The following PEAK1 variants were observed in gnomAD, a reference collection of about 807,000 sequenced individuals.
The protein encoded by PEAK1 is inactive tyrosine-protein kinase PEAK1.
PEAK1 carries 54 observed loss-of-function variants against 124.7 expected under a neutral mutation model. The ratio of observed to expected loss-of-function variants is 0.43; its 90% CI spans 0.35 to 0.54. PEAK1 has a LOEUF of 0.54. Ranked by LOEUF, PEAK1 falls within the 20% of genes least tolerant of loss-of-function variation. The probability of loss-of-function intolerance (pLI) is 0.01; values close to 1 mark genes in which losing one functional copy is unlikely to be tolerated. For synonymous variants in PEAK1, 719 were observed against 760.0 expected (o/e 0.95, Z 0.89); for missense variants, 2,046 against 2,134.5 (o/e 0.96, Z 0.82).
rs199763707 is a variant in PEAK1, at chr15:77,133,629, T to C, written c.3453A>G (p.Thr1151=). The C allele has an allele frequency of 6.2e-7, 1 of 1,613,968 alleles. No homozygotes were observed. Among genetic ancestry groups the C allele is most frequent in the African/African-American group, 1.3e-5 (1 of 74,944 alleles). Residue 1151 remains threonine (T), a synonymous_variant, in exon 9 of 10, where the codon ACA becomes ACG. Transcript: ENST00000682557. This position sits in a 1 kb window ranked among gnomAD's most constrained non-coding sequence, Gnocchi z 4.2. ...TCATCTTCTTTGGCAGTGGGGGTGGTGTAGGTTGGGAAGCATTGGGTGCTT... is the reference window on the plus strand; with the variant it reads ...TCATCTTCTTTGGCAGTGGGGGTGGCGTAGGTTGGGAAGCATTGGGTGCTT... The part of the protein sequence containing the change: ...DQEAPNASQP[T]PPPLPKKMII...
At chr15:77,139,916 A>G (rs1011138499) in intron 8 of PEAK1, among the ~76,000 whole-genome samples, 1 of 152,044 alleles carries the variant, frequency 6.6e-6, no homozygotes, top group Non-Finnish European at 1.5e-5. Flanking sequence ...TGAGAATGCT[A>G]AGCTTCAAGG....
intron 2 of PEAK1, chr15:77,348,813 G>GGGGGGC: frequency 2.7e-6 from 1 of 371,948 alleles, no homozygotes; most frequent in South Asian, 1.2e-4. Flanking sequence ...GAGGGGGCGG[G>GGGGGGC]CAGGTGGGGG....
chr15:77,215,545 T>G (rs568871054), intron 6 of PEAK1, among the ~76,000 whole-genome samples: 2 of 152,278 alleles, frequency 1.3e-5, no homozygotes, highest in South Asian at 4.1e-4. Flanking sequence ...TGTAAATAAT[T>G]GTTACACTGC....
At chr15:77,378,875 C>G (rs1051378190) in intron 1 of PEAK1, among the ~76,000 whole-genome samples, 3 of 152,130 alleles carry the variant, frequency 2.0e-5, no homozygotes, top group African/African-American at 7.2e-5. Flanking sequence ...AAGTAATCAC[C>G]ATGTCTTTAG....
intron 6 of PEAK1, among the ~76,000 whole-genome samples, chr15:77,212,422 C>A (rs1315216675): frequency 6.6e-6 from 1 of 152,108 alleles, no homozygotes. Flanking sequence ...GCCTTGCTTA[C>A]TTGGGGAAGT....
intron 2 of PEAK1, among the ~76,000 whole-genome samples, chr15:77,295,528 C>T (rs572813490): frequency 1.8e-4 from 28 of 152,238 alleles, no homozygotes; most frequent in Admixed American, 9.1e-4. Context: ...TCATCATACT[C>T]TGATTCATTT....
chr15:77,313,648 A>ATGTGTGTGTGTG (rs1220086755), intron 2 of PEAK1, among the ~76,000 whole-genome samples: 164 of 87,542 alleles, frequency 1.9e-3, no homozygotes, highest in Non-Finnish European at 2.9e-3. Flanking sequence ...GTATGTATGT[A>ATGTGTGTGTGTG]TGTATGTGTG....
At chr15:77,344,181 G>T (rs907726700) in intron 2 of PEAK1, among the ~76,000 whole-genome samples, 1 of 152,030 alleles carries the variant, frequency 6.6e-6, no homozygotes, top group African/African-American at 2.4e-5. Flanking sequence ...TGCAAGCTCC[G>T]CCTCCCGGGT....
chr15:77,339,899 A>G (rs150807100), intron 2 of PEAK1, among the ~76,000 whole-genome samples: 2 of 152,380 alleles, frequency 1.3e-5, no homozygotes, highest in Non-Finnish European at 2.9e-5. Context: ...TAAGAGGCTC[A>G]ATATCATATA....
intron 5 of PEAK1, among the ~76,000 whole-genome samples, chr15:77,262,482 T>C (rs1480641557): frequency 1.3e-5 from 2 of 151,278 alleles, no homozygotes; most frequent in African/African-American, 4.9e-5. Flanking sequence ...AAACAGACTT[T>C]AAACCAATAA....
intron 7 of PEAK1, among the ~76,000 whole-genome samples, chr15:77,172,236 T>C (rs933792589): frequency 1.3e-5 from 2 of 152,114 alleles, no homozygotes; most frequent in East Asian, 1.9e-4. Flanking sequence ...ATATCATGCA[T>C]TGGGTTATTT....
intron 7 of PEAK1, among the ~76,000 whole-genome samples, chr15:77,163,170 C>T (rs1355412301): frequency 6.6e-6 from 1 of 152,314 alleles, no homozygotes; most frequent in East Asian, 1.9e-4. Context: ...AGACAGACAA[C>T]ACAGAAGACA....
intron 7 of PEAK1, among the ~76,000 whole-genome samples, chr15:77,165,417 G>T (rs1261750364): frequency 6.6e-6 from 1 of 151,982 alleles, no homozygotes; most frequent in Non-Finnish European, 1.5e-5. Context: ...GGCTGATCTC[G>T]AACTCCTGAC....
rs527704976 is a variant in PEAK1, at chr15:77,180,079, A to G, written c.1848T>C (p.Tyr616=). The change falls in exon 7 of 10, where the codon TAT becomes TAC. Residue 616 remains tyrosine (Y), a synonymous_variant. Transcript: ENST00000682557. ...TGATAGCATTTTTGGAACTCCGAGC[A>G]TAAGTTGGCTCGTCATGAATGATAA... ...FPIIIHDEPT[Y]ARSSKNAIKV... 1.3e-5 allele frequency: 21 copies of G among 1,614,044 alleles called. No individual in the cohort carries two copies. The Admixed American group carries it at 3.2e-4, about 24-fold the overall frequency.
intron 1 of PEAK1, among the ~76,000 whole-genome samples, chr15:77,369,344 T>C (rs1800095530): frequency 6.6e-6 from 1 of 152,162 alleles, no homozygotes; most frequent in South Asian, 2.1e-4. Context: ...AAGTATTAGC[T>C]TCTCGACCCT....
intron 6 of PEAK1, among the ~76,000 whole-genome samples, chr15:77,214,752 C>T (rs2059070672): frequency 6.6e-6 from 1 of 151,996 alleles, no homozygotes; most frequent in Non-Finnish European, 1.5e-5. Context: ...GAAGAAAGCA[C>T]ATATTCATAT....
rs1281612842 is a variant in PEAK1, at chr15:77,322,159, GCC to G, written c.-602-35657_-602-35656del. On this transcript the variant is annotated intron_variant, in intron 2 of 9. Coordinates refer to ENST00000682557, the MANE Select transcript of PEAK1 (RefSeq NM_001385026.1). ...GTAGAGGGAAATTTATGGCATTAAT[GCC>G]CACAAGAGAAAGCAGGAAAGATCTA... 2.0e-5 allele frequency among the ~76,000 whole-genome samples: 3 copies of G among 152,226 alleles called. No homozygotes were observed. In the East Asian group the frequency reaches 5.8e-4, roughly 29 times the overall value.
intron 1 of PEAK1, among the ~76,000 whole-genome samples, chr15:77,398,162 A>G (rs1456453152): frequency 6.6e-6 from 1 of 152,226 alleles, no homozygotes; most frequent in Non-Finnish European, 1.5e-5. Flanking sequence ...TTCACTGCTG[A>G]ATTCTACATA....
At chr15:77,286,598 A>C (rs2062942287) in intron 2 of PEAK1, 94 bp from the exon 3 acceptor site, 1 of 539,136 alleles carries the variant, frequency 1.9e-6, no homozygotes, top group Non-Finnish European at 2.8e-6. Flanking sequence ...CATAAAGCAG[A>C]ATCAAACTCT....
Sources: gnomAD v4.1 joint callset for allele counts (sites outside exome capture counted in the v4.1 genomes callset) on GRCh38, gnomAD v4.1.1 for gene constraint, Gnocchi (gnomAD v3.1) non-coding constraint, MANE v1.5 for transcripts, NCBI Gene and HGNC (gene_info 2026-07-23, HGNC 2026-07-21) for gene names.